Variants in ARMC8 observed in about 807,000 individuals in gnomAD.
The protein encoded by ARMC8 is armadillo repeat-containing protein 8.
In ARMC8, 20 loss-of-function variants were observed where a neutral mutation model predicts 99.3. That is an observed-to-expected ratio of 0.20 (90% confidence interval 0.14 to 0.29). The LOEUF (loss-of-function observed/expected upper bound fraction) is 0.29, where lower values mean the gene tolerates loss of function less well. Among genes scored for constraint, ARMC8 ranks in the 10% least tolerant of loss-of-function variants. The probability of loss-of-function intolerance (pLI) is 1.00; values close to 1 mark genes in which losing one functional copy is unlikely to be tolerated. For synonymous variants in ARMC8, 263 were observed against 278.3 expected (o/e 0.95, Z 0.55); for missense variants, 569 against 809.5 (o/e 0.70, Z 3.60).
chr3:138,279,653 G>C (rs965830119), intron 18 of ARMC8, among the ~76,000 whole-genome samples: 9 of 152,106 alleles, frequency 5.9e-5, no homozygotes, highest in Non-Finnish European at 1.3e-4. Flanking sequence ...CTACCAGTTG[G>C]AATCATCTGG....
chr3:138,230,004 A>C (rs1490787393), intron 6 of ARMC8, among the ~76,000 whole-genome samples: 1 of 152,202 alleles, frequency 6.6e-6, no homozygotes, highest in South Asian at 2.1e-4. Flanking sequence ...TTTTAGGAAG[A>C]GTTTCTACAT....
chr3:138,260,449 A>G (rs1421884838), intron 12 of ARMC8, among the ~76,000 whole-genome samples: 1 of 152,166 alleles, frequency 6.6e-6, no homozygotes, highest in Non-Finnish European at 1.5e-5. Flanking sequence ...TTCACCCACT[A>G]GGCTGGCTAC....
At chr3:138,193,823 A>G (rs2043533659) in intron 1 of ARMC8, among the ~76,000 whole-genome samples, 1 of 152,220 alleles carries the variant, frequency 6.6e-6, no homozygotes, top group African/African-American at 2.4e-5. Flanking sequence ...CAAATGCATT[A>G]CTTATTAAAA....
intron 7 of ARMC8, among the ~76,000 whole-genome samples, chr3:138,236,608 G>A (rs1351138552): frequency 6.6e-6 from 1 of 152,170 alleles, no homozygotes; most frequent in Non-Finnish European, 1.5e-5. Context: ...CAAGTGAGGG[G>A]CAGGGCTTCT....
chr3:138,223,266 A>G, intron 3 of ARMC8, 123 bp from the exon 4 acceptor site: 2 of 797,654 alleles, frequency 2.5e-6, no homozygotes, highest in South Asian at 1.9e-5. Flanking sequence ...ACAAATGACC[A>G]TTGGATTCAT....
chr3:138,252,733 C>A (rs1291750466), intron 12 of ARMC8, among the ~76,000 whole-genome samples: 4 of 38,600 alleles, frequency 1.0e-4, no homozygotes, highest in African/African-American at 3.2e-4. Context: ...GGATTACAGG[C>A]GTGAGCCACC....
At chr3:138,229,474 G>T (rs1402218309) in intron 6 of ARMC8, among the ~76,000 whole-genome samples, 2 of 151,020 alleles carry the variant, frequency 1.3e-5, no homozygotes, top group Non-Finnish European at 3.0e-5. Flanking sequence ...TGTATATGAG[G>T]CATTTTATAA....
intron 14 of ARMC8, among the ~76,000 whole-genome samples, 195 bp from the exon 15 acceptor site, chr3:138,266,960 G>T (rs1018054102): frequency 6.6e-6 from 1 of 152,222 alleles, no homozygotes; most frequent in Non-Finnish European, 1.5e-5. Flanking sequence ...AGACAGATTT[G>T]AGGGCGTTAG....
At chr3:138,286,779 A>G (rs888501548) in intron 19 of ARMC8, among the ~76,000 whole-genome samples, 4 of 152,136 alleles carry the variant, frequency 2.6e-5, no homozygotes, top group South Asian at 2.1e-4. Context: ...AGCTTATACT[A>G]TCATCACTGT....
In ARMC8 at chr3:138,243,200, G is replaced by A. The variant is rs774954108; in HGVS notation, c.1038+1217G>A. 2.8e-4 allele frequency among the ~76,000 whole-genome samples: 43 copies of A among 152,322 alleles called. 1 individual carries two copies. The highest frequency in any genetic ancestry group is 5.3e-4 in the Non-Finnish European group (36 of 68,026). On this transcript the variant is annotated intron_variant, in intron 11 of 21. Coordinates refer to ENST00000469044, the MANE Select transcript of ARMC8 (RefSeq NM_001363941.2). Reference sequence around the variant, plus strand: ...TTAAGAACATGTAGCCTATGCATATGCAAATCATTTAACTAGTACGTAGAT... The same window carrying A: ...TTAAGAACATGTAGCCTATGCATATACAAATCATTTAACTAGTACGTAGAT...
In ARMC8 at chr3:138,187,511, G is replaced by GC. The variant is rs1267072250; in HGVS notation, c.-39dup. ...CAATAGTTGGCTGTCGAAAGTGCCG[G>GC]CCCCCGCGCCGGCGCCTGCAGCAGC... is the stretch of plus-strand genomic sequence containing the variant. On this transcript the variant is annotated 5_prime_UTR_variant, in exon 1 of 22. Coordinates refer to ENST00000469044, the MANE Select transcript of ARMC8 (RefSeq NM_001363941.2). 2 of 1,534,414 alleles carry GC rather than the reference G, an allele frequency of 1.3e-6. No homozygotes were observed. The highest frequency in any genetic ancestry group is 8.7e-7 in the Non-Finnish European group (1 of 1,145,600).
intron 2 of ARMC8, 27 bp from the exon 3 acceptor site, chr3:138,221,899 C>G (rs1436091436): frequency 3.2e-6 from 5 of 1,568,188 alleles, no homozygotes; most frequent in Non-Finnish European, 4.4e-6. Flanking sequence ...TCTCAACATA[C>G]TTTATTTTTT....
At chr3:138,220,899 A>G (rs893047007) in intron 2 of ARMC8, among the ~76,000 whole-genome samples, 1 of 152,036 alleles carries the variant, frequency 6.6e-6, no homozygotes, top group Admixed American at 6.6e-5. Context: ...CATGTTGTTC[A>G]GTCTGATCTT....
At chr3:138,238,851 C>T (rs991608486) in intron 9 of ARMC8, 8 of 152,164 alleles carry the variant, frequency 5.3e-5, no homozygotes, top group Non-Finnish European at 1.0e-4. Flanking sequence ...ATTTCTGAAG[C>T]GCTTAATGTT....
At chr3:138,201,170 C>T (rs1363662940) in intron 1 of ARMC8, among the ~76,000 whole-genome samples, 1 of 151,624 alleles carries the variant, frequency 6.6e-6, no homozygotes, top group African/African-American at 2.4e-5. Context: ...CCTTGGCCTC[C>T]CAAAGTGCTG....
intron 12 of ARMC8, chr3:138,263,442 T>C: frequency 3.2e-6 from 1 of 313,370 alleles, no homozygotes; most frequent in Non-Finnish European, 6.0e-6. Context: ...CTCAAGATTA[T>C]TTACATAACA....
intron 18 of ARMC8, 137 bp from the exon 19 acceptor site, chr3:138,284,294 A>G (rs1174233844): frequency 4.5e-6 from 3 of 666,268 alleles, no homozygotes; most frequent in Non-Finnish European, 8.0e-6. Context: ...ATGTCAGCAG[A>G]TGAGAAATCA....
chr3:138,265,272 G>A (rs906522885), intron 14 of ARMC8, among the ~76,000 whole-genome samples: 1 of 152,042 alleles, frequency 6.6e-6, no homozygotes, highest in Non-Finnish European at 1.5e-5. Context: ...CCCAAAAAAG[G>A]TTCAGGACAA....
At chr3:138,190,776 C>T (rs1289879705) in intron 1 of ARMC8, among the ~76,000 whole-genome samples, 4 of 152,184 alleles carry the variant, frequency 2.6e-5, no homozygotes, top group Non-Finnish European at 4.4e-5. Context: ...GCTAGGCAAG[C>T]ATGGTGTTGA....
Sources: allele counts gnomAD v4.1 joint callset (sites outside exome capture counted in the v4.1 genomes callset), GRCh38; gene constraint gnomAD v4.1.1; transcripts MANE v1.5; gene names NCBI Gene and HGNC (gene_info 2026-07-23, HGNC 2026-07-21).